Variants in PAG1 observed in about 807,000 individuals in gnomAD.
PAG1 encodes phosphoprotein membrane anchor with glycosphingolipid microdomains 1.
PAG1 carries 23 observed loss-of-function variants against 31.7 expected under a neutral mutation model. The ratio of observed to expected loss-of-function variants is 0.73; its 90% CI spans 0.52 to 1.03. PAG1 has a LOEUF of 1.03. Ranked by LOEUF, PAG1 falls within the 50% of genes least tolerant of loss-of-function variation. The pLI, the probability that PAG1 is intolerant of heterozygous loss-of-function variation, is 0.00. For missense variants in PAG1, 473 were observed against 540.7 expected (o/e 0.87, Z 1.24); for synonymous variants, 214 against 210.3 (o/e 1.02, Z -0.15).
chr8:80,988,581 C>T (rs1393306843), intron 5 of PAG1, among the ~76,000 whole-genome samples: 1 of 152,112 alleles, frequency 6.6e-6, no homozygotes, highest in Non-Finnish European at 1.5e-5. Flanking sequence ...CTGCCTCAGC[C>T]TCTGGAATCG....
At chr8:80,982,595 C>T (rs942417289) in intron 7 of PAG1, among the ~76,000 whole-genome samples, 5 of 152,194 alleles carry the variant, frequency 3.3e-5, no homozygotes, top group African/African-American at 1.2e-4. Context: ...CCTGGCCTTT[C>T]CTCTTTACCC....
intron 2 of PAG1, among the ~76,000 whole-genome samples, chr8:81,054,537 G>A (rs187564851): frequency 1.8e-4 from 27 of 152,222 alleles, no homozygotes; most frequent in Admixed American, 1.2e-3. Context: ...TTAGCCAGGC[G>A]TGGTGGCAGG....
rs1470464953 is a variant in PAG1, at chr8:80,975,070, T to C, written c.*1474A>G. 1.3e-5 allele frequency: 2 copies of C among 152,234 alleles called. No individual in the cohort carries two copies. Among genetic ancestry groups the C allele is most frequent in the African/African-American group, 4.8e-5 (2 of 41,460 alleles). 9.4% of individuals were successfully genotyped at this position (152,234 alleles called of 1,614,324 possible). On this transcript the variant is annotated 3_prime_UTR_variant, in exon 9 of 9. Coordinates refer to ENST00000220597, the MANE Select transcript of PAG1 (RefSeq NM_018440.4). ...TTTTCTGAAAAAATATAATTAAACC[T>C]TAATGGAATTATGACACTTTTATGA...
intron 2 of PAG1, among the ~76,000 whole-genome samples, chr8:81,069,657 C>A (rs1337992845): frequency 3.3e-5 from 5 of 152,148 alleles, no homozygotes; most frequent in Admixed American, 2.6e-4. Context: ...ATAATGATAA[C>A]CAAAAACACA....
intron 3 of PAG1, among the ~76,000 whole-genome samples, chr8:81,025,514 T>A (rs1351152642): frequency 6.6e-6 from 1 of 152,004 alleles, no homozygotes; most frequent in Non-Finnish European, 1.5e-5. Flanking sequence ...AGGGAGGAAT[T>A]GTCAAATGTC....
At chr8:80,983,143 C>G (rs1224295621) in intron 7 of PAG1, among the ~76,000 whole-genome samples, 1 of 152,202 alleles carries the variant, frequency 6.6e-6, no homozygotes, top group Non-Finnish European at 1.5e-5. Context: ...GCAGTCCCCT[C>G]CTCTTCCCTT....
chr8:81,077,501 T>C (rs888909986), intron 1 of PAG1, among the ~76,000 whole-genome samples: 3 of 152,246 alleles, frequency 2.0e-5, no homozygotes, highest in African/African-American at 7.2e-5. Context: ...CCTCAGTCTT[T>C]ATTCTTTTCC....
In PAG1 at chr8:80,976,410, G is replaced by T. The variant is rs187614735; in HGVS notation, c.*134C>A. Reference sequence around the variant, plus strand: ...AAACTGAACAACTGGGAGAACAGTCGACAGGGCCTCTCCAACCATCTTCAG... The same window carrying T: ...AAACTGAACAACTGGGAGAACAGTCTACAGGGCCTCTCCAACCATCTTCAG... On this transcript the variant is annotated 3_prime_UTR_variant, in exon 9 of 9. Coordinates refer to ENST00000220597, the MANE Select transcript of PAG1 (RefSeq NM_018440.4). 29 of 876,198 alleles carry T rather than the reference G, an allele frequency of 3.3e-5. No homozygotes were observed. Among genetic ancestry groups the T allele is most frequent in the Admixed American group, 2.1e-4 (8 of 37,628 alleles). 54.3% of individuals were successfully genotyped at this position (876,198 alleles called of 1,614,324 possible).
intron 1 of PAG1, among the ~76,000 whole-genome samples, chr8:81,076,012 T>C (rs940821532): frequency 2.6e-5 from 4 of 152,226 alleles, no homozygotes; most frequent in African/African-American, 7.2e-5. Flanking sequence ...CATCCTGACA[T>C]CACTCTGCTA....
chr8:80,991,857 CCTT>C (rs1807555927), intron 4 of PAG1, among the ~76,000 whole-genome samples: 1 of 146,552 alleles, frequency 6.8e-6, no homozygotes, highest in Non-Finnish European at 1.5e-5. Flanking sequence ...GTAAGTTATA[CCTT>C]TTTTTTTTTT....
intron 7 of PAG1, among the ~76,000 whole-genome samples, chr8:80,983,289 G>A (rs1395542227): frequency 6.6e-6 from 1 of 152,152 alleles, no homozygotes; most frequent in Non-Finnish European, 1.5e-5. Context: ...TAGCTGGGCA[G>A]ACCCTGACCA....
chr8:80,991,461 C>T lies in PAG1; in HGVS notation c.177+18G>A, dbSNP rs199500094. The stretch of plus-strand genomic sequence containing the variant: ...GAGCACGCACGGACAGACAGGCAGA[C>T]GACACGCGCAGGCTCACCACGTTCA... On this transcript the variant is annotated intron_variant, in intron 5 of 8. Coordinates refer to ENST00000220597, the MANE Select transcript of PAG1 (RefSeq NM_018440.4). The T allele has an allele frequency of 1.5e-4, 245 of 1,602,874 alleles. No individual in the cohort carries two copies. In the African/African-American group the frequency reaches 2.1e-3, roughly 14 times the overall value.
chr8:81,103,892 T>G (rs1466702428), intron 1 of PAG1, among the ~76,000 whole-genome samples: 1 of 152,230 alleles, frequency 6.6e-6, no homozygotes, highest in Non-Finnish European at 1.5e-5. Context: ...AAATGATTCT[T>G]TCATTCTTTC....
chr8:81,038,281 T>A (rs779051923), intron 2 of PAG1, among the ~76,000 whole-genome samples: 4 of 152,098 alleles, frequency 2.6e-5, no homozygotes, highest in African/African-American at 9.7e-5. Flanking sequence ...TGCCAAACAT[T>A]CACAAAAATC....
At chr8:81,063,119 T>A (rs1301115097) in intron 2 of PAG1, among the ~76,000 whole-genome samples, 3 of 152,172 alleles carry the variant, frequency 2.0e-5, no homozygotes, top group Non-Finnish European at 2.9e-5. Context: ...ATATCTAAAA[T>A]GAAAGCCCTA....
chr8:81,078,960 T>C (rs1008132612), intron 1 of PAG1, among the ~76,000 whole-genome samples: 3 of 152,124 alleles, frequency 2.0e-5, no homozygotes, highest in Admixed American at 1.3e-4. Context: ...CACTTCCTTA[T>C]CTTCCATCTT....
intron 3 of PAG1, among the ~76,000 whole-genome samples, chr8:81,009,255 T>C (rs936752144): frequency 1.6e-4 from 24 of 152,184 alleles, no homozygotes; most frequent in African/African-American, 5.8e-4. Context: ...ACAACTTCAA[T>C]ATTTTTAGAA....
At chr8:81,054,226 ATAT>A (rs1808778038) in intron 2 of PAG1, among the ~76,000 whole-genome samples, 1 of 152,174 alleles carries the variant, frequency 6.6e-6, no homozygotes, top group African/African-American at 2.4e-5. Context: ...CAATAAGGAT[ATAT>A]CCCATATACA....
chr8:81,088,048 A>AT (rs947402374), intron 1 of PAG1, among the ~76,000 whole-genome samples: 23 of 152,222 alleles, frequency 1.5e-4, no homozygotes, highest in Middle Eastern at 3.4e-3. Context: ...TAATTACCTC[A>AT]TTTTTTTCCC....
Sources: gnomAD v4.1 joint callset for allele counts (sites outside exome capture counted in the v4.1 genomes callset) on GRCh38, gnomAD v4.1.1 for gene constraint, MANE v1.5 for transcripts, NCBI Gene and HGNC (gene_info 2026-07-23, HGNC 2026-07-21) for gene names.